CARMIL3: variants seen among roughly 807,000 people sequenced by gnomAD.
The protein encoded by CARMIL3 is capping protein regulator and myosin 1 linker 3, also known as capping protein, Arp2/3 and myosin-I linker protein 3.
CARMIL3 carries 88 observed loss-of-function variants against 180.8 expected under a neutral mutation model. That is an observed-to-expected ratio of 0.49 (90% CI 0.41 to 0.58). The LOEUF (loss-of-function observed/expected upper bound fraction) is 0.58, where lower values mean the gene tolerates loss of function less well. Ranked by LOEUF, CARMIL3 falls within the 20% of genes least tolerant of loss-of-function variation. CARMIL3 has a pLI of 0.00. For missense variants in CARMIL3, 1,548 were observed against 1,787.0 expected, an observed-to-expected ratio of 0.87 and a Z score of 2.41; for synonymous variants, 696 against 714.5, an observed-to-expected ratio of 0.97 and a Z score of 0.41.
At position 24,066,558 on chromosome 14, in the gene CARMIL3, C is replaced by G. The variant is rs778801323; in HGVS notation, c.3593-9C>G. Reference sequence around the variant, plus strand: ...CTCCTCTCTTTCTCATCCCCTCTCTCTACTCCAGGGCCTGGATCCTGGAAG... The same window carrying G: ...CTCCTCTCTTTCTCATCCCCTCTCTGTACTCCAGGGCCTGGATCCTGGAAG... On this transcript the variant is annotated splice_polypyrimidine_tract_variant and intron_variant, in intron 35 of 39. Transcript: ENST00000342740. 14 of 1,614,016 alleles carry G rather than the reference C, an allele frequency of 8.7e-6. No homozygotes were observed. Among genetic ancestry groups the G allele is most frequent in the Non-Finnish European group, 1.2e-5 (14 of 1,179,990 alleles).
At chr14:24,055,815 G>A in intron 10 of CARMIL3, 26 bp downstream of exon 10, 2 of 1,605,576 alleles carry the variant, frequency 1.2e-6, no homozygotes, top group Non-Finnish European at 1.7e-6. Flanking sequence ...TCCTTGGGCA[G>A]TAGTGCACCC....
At position 24,059,481 on chromosome 14, in the gene CARMIL3, GC is replaced by G; in HGVS notation, c.1799+43del. ...CGGGACCCCCTGACCTGGAGCCCCA[GC>G]CCCTCCCCATATGTACATAATCTCC... On this transcript the variant is annotated intron_variant, in intron 21 of 39. Coordinates refer to ENST00000342740, the MANE Select transcript of CARMIL3 (RefSeq NM_138360.4). This position sits in a 1 kb window ranked among gnomAD's most constrained non-coding sequence, Gnocchi z 6.3. The G allele has an allele frequency of 6.5e-7, 1 of 1,548,844 alleles. No homozygotes were observed. Among genetic ancestry groups the G allele is most frequent in the Non-Finnish European group, 8.7e-7 (1 of 1,145,082 alleles).
chr14:24,063,867 G>A (rs986052361), intron 31 of CARMIL3, among the ~76,000 whole-genome samples: 1 of 151,402 alleles, frequency 6.6e-6, no homozygotes, highest in Non-Finnish European at 1.5e-5. Flanking sequence ...AGGCTGAGGC[G>A]GGCAGATCAC....
intron 34 of CARMIL3, among the ~76,000 whole-genome samples, chr14:24,066,143 T>C (rs1264356082): frequency 6.6e-6 from 1 of 152,214 alleles, no homozygotes; most frequent in Non-Finnish European, 1.5e-5. Context: ...ATCGCAGGCT[T>C]TTTGAATGAG....
rs1330420163 is a variant in CARMIL3 at position 24,061,655 on chromosome 14, C to T, written c.2463C>T (p.Asp821=). The stretch of plus-strand genomic sequence containing the variant: ...CACTGCTGGAGCAAGCAGGACAGGA[C>T]ATTCAGAACAAGCTGGAGTGAGAGG... ...RGALLEQAGQ[D]IQNKLDEVKL... is the part of the protein sequence containing the mutation. The change falls in exon 27 of 40, where the codon GAC becomes GAT. Residue 821 remains aspartate, a synonymous_variant. Coordinates refer to ENST00000342740, the MANE Select transcript of CARMIL3 (RefSeq NM_138360.4). This position sits in a 1 kb window ranked among gnomAD's most constrained non-coding sequence, Gnocchi z 4.1. 8.7e-6 allele frequency: 14 copies of T among 1,613,398 alleles called. No homozygotes were observed. The highest frequency in any genetic ancestry group is 1.6e-4 in the Middle Eastern group (1 of 6,082).
At position 24,063,104 on chromosome 14, in the gene CARMIL3, G is replaced by A. The variant is rs748517190; in HGVS notation, c.2707-16G>A. On this transcript the variant is annotated splice_polypyrimidine_tract_variant and intron_variant, in intron 29 of 39. Transcript: ENST00000342740. ...GGTGAGGTGCCTGGCCCTGCCACTC[G>A]TCTTCATTTCTGCAGGACACCATGG... 2.8e-5 allele frequency: 45 copies of A among 1,609,276 alleles called. No individual in the cohort carries two copies. Among genetic ancestry groups the A allele is most frequent in the South Asian group, 1.6e-4 (15 of 90,986 alleles).
chr14:24,057,154 C>A lies in CARMIL3; in HGVS notation c.1063-13C>A. 1 of 1,613,436 alleles carries A rather than the reference C, an allele frequency of 6.2e-7. No homozygotes were observed. Among genetic ancestry groups the A allele is most frequent in the South Asian group, 1.1e-5 (1 of 90,886 alleles). Reference sequence around the variant, plus strand: ...ATCCCTTCCCCTGCAACCCCTCTTCCTTCCTACTCCAGGCCCTCTACAGTT... The same window carrying A: ...ATCCCTTCCCCTGCAACCCCTCTTCATTCCTACTCCAGGCCCTCTACAGTT... On this transcript the variant is annotated splice_polypyrimidine_tract_variant and intron_variant, in intron 13 of 39. Transcript: ENST00000342740.
At position 24,061,073 on chromosome 14, in the gene CARMIL3, G is replaced by A. The variant is rs1330438236; in HGVS notation, c.2304+33G>A. On this transcript the variant is annotated intron_variant, in intron 26 of 39. Coordinates refer to ENST00000342740, the MANE Select transcript of CARMIL3 (RefSeq NM_138360.4). This position sits in a 1 kb window ranked among gnomAD's most constrained non-coding sequence, Gnocchi z 4.1. Reference sequence around the variant, plus strand: ...CTGGAGGAGGGAGGAATCCATGGTGGGAACCTAGTGTTGACTGAGGCCCTA... The same window carrying A: ...CTGGAGGAGGGAGGAATCCATGGTGAGAACCTAGTGTTGACTGAGGCCCTA... 6.5e-7 allele frequency: 1 copy of A among 1,533,992 alleles called. No individual in the cohort carries two copies. Among genetic ancestry groups the A allele is most frequent in the East Asian group, 2.4e-5 (1 of 40,856 alleles).
At position 24,058,298 on chromosome 14, in the gene CARMIL3, G is replaced by A. The variant is rs973855695; in HGVS notation, c.1392+74G>A. 9 of 1,494,070 alleles carry A rather than the reference G, an allele frequency of 6.0e-6. No homozygotes were observed. The African/African-American group carries it at 1.2e-4, about 21-fold the overall frequency. The allele number at this position is 1,494,070 out of a possible 1,614,324, so 92.6% of individuals were successfully genotyped here. On this transcript the variant is annotated intron_variant, in intron 17 of 39. Coordinates refer to ENST00000342740, the MANE Select transcript of CARMIL3 (RefSeq NM_138360.4). This position sits in a 1 kb window ranked among gnomAD's most constrained non-coding sequence, Gnocchi z 6.4. ...TTTCTCAGACCTAAGTCAAACCCTGGCTCCATCTAGCCTCTGTGCTGACCC... is the reference window on the plus strand; with the variant it reads ...TTTCTCAGACCTAAGTCAAACCCTGACTCCATCTAGCCTCTGTGCTGACCC...
Position 24,053,963 on chromosome 14 carries a change from G to T in CARMIL3, c.136-125G>T, listed in dbSNP as rs375220998. On this transcript the variant is annotated intron_variant, in intron 2 of 39. Coordinates refer to ENST00000342740, the MANE Select transcript of CARMIL3 (RefSeq NM_138360.4). ...CAGGGCTGGACTGTGTTGATGTCCAGAAGTCTAGGGTAGGGCATCGGGTTG... is the reference window on the plus strand; with the variant it reads ...CAGGGCTGGACTGTGTTGATGTCCATAAGTCTAGGGTAGGGCATCGGGTTG... 4.8e-5 allele frequency: 59 copies of T among 1,233,720 alleles called. No individual in the cohort carries two copies. The African/African-American group carries it at 7.8e-4, about 16-fold the overall frequency. 76.4% of individuals were successfully genotyped at this position (1,233,720 alleles called of 1,614,324 possible). A position where few individuals can be genotyped will look rare whatever the true frequency, so the allele number is the denominator to read the frequency against.
In CARMIL3 at chr14:24,060,689, T is replaced by C. The variant is rs1388088697; in HGVS notation, c.2123T>C (p.Leu708Pro). 3 of 1,613,870 alleles carry C rather than the reference T, an allele frequency of 1.9e-6. No individual in the cohort carries two copies. Among genetic ancestry groups the C allele is most frequent in the Non-Finnish European group, 2.5e-6 (3 of 1,179,850 alleles). ...GTGCGGGCCCTGAGACTATGCCCCCTGGAGCCTGTGCAGGATGAGCTACTC... is the reference window on the plus strand; with the variant it reads ...GTGCGGGCCCTGAGACTATGCCCCCCGGAGCCTGTGCAGGATGAGCTACTC... ...EEVRALRLCP[L>P]EPVQDELLYA... Residue 708 changes from leucine to proline, a missense_variant, in exon 25 of 40, where the codon CTG (leucine) becomes CCG (proline). Around this residue, in one of 4 missense-constraint regions of CARMIL3, gnomAD observed 297 missense variants for 415.9 expected, o/e 0.71. Transcript: ENST00000342740.
chr14:24,056,552 A>G (rs1196583673), intron 11 of CARMIL3, 70 bp from the exon 12 acceptor site: 8 of 1,547,308 alleles, frequency 5.2e-6, no homozygotes, highest in South Asian at 3.3e-5. Flanking sequence ...CGAGCCCCCA[A>G]CCTGACTCTG....
intron 1 of CARMIL3, among the ~76,000 whole-genome samples, chr14:24,052,862 G>C (rs1391150736): frequency 6.6e-6 from 1 of 152,158 alleles, no homozygotes; most frequent in African/African-American, 2.4e-5. Flanking sequence ...CCAAACCCAG[G>C]CCCGGCCACC....
At position 24,064,794 on chromosome 14, in the gene CARMIL3, G is replaced by T. The variant is rs150778242; in HGVS notation, c.3081-164G>T. On this transcript the variant is annotated intron_variant, in intron 32 of 39. Coordinates refer to ENST00000342740, the MANE Select transcript of CARMIL3 (RefSeq NM_138360.4). The stretch of plus-strand genomic sequence containing the variant: ...CAGTCTGCGGGAAAGGCTGCTGGAG[G>T]ATTACAACGGGACAGGAAAGGCAAG... 1.2e-3 allele frequency among the ~76,000 whole-genome samples: 186 copies of T among 152,300 alleles called. 1 individual carries two copies. The highest frequency in any genetic ancestry group is 4.8e-3 in the East Asian group (25 of 5,186).
chr14:24,052,610 C>T (rs1445944827), intron 1 of CARMIL3, among the ~76,000 whole-genome samples: 1 of 152,228 alleles, frequency 6.6e-6, no homozygotes, highest in Non-Finnish European at 1.5e-5. Flanking sequence ...TGGCTTAACA[C>T]CCTCCCTCCT....
At position 24,058,018 on chromosome 14, in the gene CARMIL3, A is replaced by G. The variant is rs761217597; in HGVS notation, c.1276A>G (p.Ser426Gly). Residue 426 changes from serine (S) to glycine (G), a missense_variant, in exon 16 of 40, where the codon AGC becomes GGC. Ser to Gly is a moderately conservative substitution (Grantham distance 56). This residue lies in a region of CARMIL3 where 578 missense variants were observed against 666.5 expected (regional missense o/e 0.87). Transcript: ENST00000342740. The surrounding 1 kb of genome is among the most constrained non-coding windows in gnomAD (Gnocchi z 6.4). ...GTTCTTCAGCAGCGCCTACACACTG[A>G]GCCACGTCAATCTGTCGGCCACAAA... is the stretch of plus-strand genomic sequence containing the variant. ...KQFFSSAYTL[S>G]HVNLSATKLP... 1 of 1,613,702 alleles carries G rather than the reference A, an allele frequency of 6.2e-7. No individual in the cohort carries two copies. Among genetic ancestry groups the G allele is most frequent in the South Asian group, 1.1e-5 (1 of 91,072 alleles).
At chr14:24,069,308 C>T (rs370157799) in intron 39 of CARMIL3, 61 bp downstream of exon 39, 41 of 1,613,064 alleles carry the variant, frequency 2.5e-5, no homozygotes, top group Admixed American at 3.3e-5. Context: ...TGACACCCCC[C>T]GAAGCCCCAA....
intron 33 of CARMIL3, 158 bp from the exon 34 acceptor site, chr14:24,065,464 T>C (rs1176902460): frequency 3.5e-6 from 4 of 1,157,826 alleles, no homozygotes; most frequent in Non-Finnish European, 4.8e-6. Context: ...GAGTGCTATA[T>C]GCGAATGCAG....
Position 24,069,688 on chromosome 14 carries a change from G to A in CARMIL3, c.*284G>A, listed in dbSNP as rs2035845601. ...GGATCTCTGTCCCTCTATCCCCAGG[G>A]ACTCTCTCCCCTCTTGTATAGAATA... On this transcript the variant is annotated 3_prime_UTR_variant, in exon 40 of 40. Transcript: ENST00000342740. 1.1e-5 allele frequency: 6 copies of A among 531,008 alleles called. No homozygotes were observed. The highest frequency in any genetic ancestry group is 1.0e-4 in the Admixed American group (3 of 30,040). 32.9% of individuals were successfully genotyped at this position (531,008 alleles called of 1,614,324 possible).
Sources: gnomAD v4.1 joint callset for allele counts (sites outside exome capture counted in the v4.1 genomes callset) on GRCh38, gnomAD v4.1.1 for gene constraint, gnomAD v4.1.1 regional missense constraint, Gnocchi (gnomAD v3.1) non-coding constraint, MANE v1.5 for transcripts, NCBI Gene and HGNC (gene_info 2026-07-23, HGNC 2026-07-21) for gene names.